Variants in PLEKHH2 observed in about 807,000 individuals in gnomAD.
PLEKHH2 encodes the protein pleckstrin homology, MyTH4 and FERM domain containing H2, also known as pleckstrin homology domain-containing family H member 2.
A neutral mutation model predicts 187.9 loss-of-function variants in PLEKHH2; 129 were observed. The observed-to-expected ratio is 0.69, with a 90% CI of 0.59 to 0.79. The LOEUF (loss-of-function observed/expected upper bound fraction) is 0.79, where lower values mean the gene tolerates loss of function less well. PLEKHH2 is among the 30% of genes least tolerant of loss of function. The probability of loss-of-function intolerance (pLI) is 0.00; values close to 1 mark genes in which losing one functional copy is unlikely to be tolerated. For missense variants in PLEKHH2, 2,076 were observed against 1,751.2 expected (o/e 1.19, Z -3.31); for synonymous variants, 686 against 605.6 (o/e 1.13, Z -1.95).
chr2:43,757,465 G>T (rs1280226039), intron 26 of PLEKHH2, among the ~76,000 whole-genome samples: 2 of 150,346 alleles, frequency 1.3e-5, no homozygotes, highest in African/African-American at 4.9e-5. Context: ...TGTCGCCCAG[G>T]CTGGAGTGCA....
At chr2:43,643,988 A>T (rs1479884220) in intron 1 of PLEKHH2, among the ~76,000 whole-genome samples, 1 of 152,084 alleles carries the variant, frequency 6.6e-6, no homozygotes, top group Non-Finnish European at 1.5e-5. Context: ...CATATGGCTA[A>T]CTCCAAATTG....
intron 2 of PLEKHH2, among the ~76,000 whole-genome samples, chr2:43,650,643 C>CT (rs1666421944): frequency 6.7e-6 from 1 of 148,878 alleles, no homozygotes; most frequent in African/African-American, 2.5e-5. Context: ...TTCTTCTTTT[C>CT]TTTTTTCTTT....
At chr2:43,652,594 T>C (rs1382950111) in intron 2 of PLEKHH2, among the ~76,000 whole-genome samples, 1 of 152,172 alleles carries the variant, frequency 6.6e-6, no homozygotes, top group Non-Finnish European at 1.5e-5. Context: ...AAAGAAATAG[T>C]GATGCTGACA....
In PLEKHH2 at chr2:43,640,950, ATTTTTTT is replaced by A. The variant is rs58200065; in HGVS notation, c.-4+3587_-4+3593del. Among the ~76,000 whole-genome samples, 8 of 115,744 alleles carry A rather than the reference ATTTTTTT, an allele frequency of 6.9e-5. No homozygotes were observed. The South Asian group carries it at 2.4e-3, about 35-fold the overall frequency. The allele number at this position is 115,744 out of a possible 152,430, so 75.9% of individuals were successfully genotyped here. Reference sequence around the variant, plus strand: ...AGGCCTGCACCACCATGCCTGGCTAATTTTTTTTTTTTTTTTTTTTTTAATAAAGACA... The same window carrying A: ...AGGCCTGCACCACCATGCCTGGCTAATTTTTTTTTTTTTTTAATAAAGACA... On this transcript the variant is annotated intron_variant, in intron 1 of 29. Transcript: ENST00000282406.
chr2:43,697,940 A>C (rs1320292649), intron 7 of PLEKHH2, among the ~76,000 whole-genome samples: 1 of 151,964 alleles, frequency 6.6e-6, no homozygotes, highest in African/African-American at 2.4e-5. Flanking sequence ...TTCTTCTTTT[A>C]GTCTTGAAGT....
At chr2:43,744,740 C>T (rs1434898384) in intron 23 of PLEKHH2, among the ~76,000 whole-genome samples, 3 of 151,480 alleles carry the variant, frequency 2.0e-5, no homozygotes, top group Admixed American at 6.6e-5. Flanking sequence ...TGGTGCCACA[C>T]ACCTGTAGTC....
intron 28 of PLEKHH2, among the ~76,000 whole-genome samples, chr2:43,763,570 C>T (rs1442642822): frequency 2.0e-5 from 3 of 150,446 alleles, no homozygotes; most frequent in Non-Finnish European, 2.9e-5. Flanking sequence ...CAAGCATGTA[C>T]TACCATGCCC....
intron 9 of PLEKHH2, among the ~76,000 whole-genome samples, chr2:43,704,478 G>A (rs894619810): frequency 2.0e-5 from 3 of 151,778 alleles, no homozygotes; most frequent in South Asian, 2.1e-4. Flanking sequence ...TGGCTAACAC[G>A]TTGAAACCCC....
At chr2:43,764,401 A>G in intron 29 of PLEKHH2, 36 bp downstream of exon 29, 2 of 1,600,182 alleles carry the variant, frequency 1.2e-6, no homozygotes, top group South Asian at 2.2e-5. Context: ...TTTTTGTCCT[A>G]GTTGTTTTCA....
chr2:43,736,741 G>T (rs1671314202), intron 19 of PLEKHH2, among the ~76,000 whole-genome samples: 1 of 152,140 alleles, frequency 6.6e-6, no homozygotes, highest in Admixed American at 6.5e-5. Context: ...GCTGACGCAG[G>T]AGAATCACTT....
intron 17 of PLEKHH2, among the ~76,000 whole-genome samples, chr2:43,727,162 C>T (rs571817213): frequency 5.3e-5 from 8 of 152,118 alleles, no homozygotes; most frequent in African/African-American, 1.7e-4. Flanking sequence ...GTCTGTAATC[C>T]CAGCACTTCG....
chr2:43,729,077 A>G (rs1185651537), intron 17 of PLEKHH2, among the ~76,000 whole-genome samples: 5 of 152,172 alleles, frequency 3.3e-5, no homozygotes, highest in South Asian at 2.1e-4. Context: ...AAACTTGTTT[A>G]TAAAGAATTT....
At chr2:43,659,422 T>G (rs553343575) in intron 2 of PLEKHH2, among the ~76,000 whole-genome samples, 1 of 152,182 alleles carries the variant, frequency 6.6e-6, no homozygotes, top group Non-Finnish European at 1.5e-5. Context: ...TTCATCTCTT[T>G]GACAATCCTA....
At position 43,738,343 on chromosome 2, in the gene PLEKHH2, C is replaced by A; in HGVS notation, c.2946C>A (p.Thr982=). The change falls in exon 20 of 30, where the codon ACC becomes ACA. Residue 982 remains threonine (T), a splice_region_variant and synonymous_variant. Transcript: ENST00000282406. ...ATATCTTTTTTTGTTTAATTCAGAC[C>A]TGCCAGCTTTTTATAAATGCTGCAG... The part of the protein sequence containing the change: ...LQTEAIKLFK[T]CQLFINAAVD... 1.9e-6 allele frequency: 3 copies of A among 1,606,058 alleles called. No homozygotes were observed. The highest frequency in any genetic ancestry group is 2.6e-6 in the Non-Finnish European group (3 of 1,174,688).
chr2:43,705,251 C>CCTTTT, intron 9 of PLEKHH2, among the ~76,000 whole-genome samples: 1 of 95,864 alleles, frequency 1.0e-5, no homozygotes. Flanking sequence ...AAATTTTATC[C>CCTTTT]TTTTTTTTTT....
At chr2:43,724,936 G>A (rs191886510) in intron 16 of PLEKHH2, among the ~76,000 whole-genome samples, 1 of 152,290 alleles carries the variant, frequency 6.6e-6, no homozygotes, top group African/African-American at 2.4e-5. Flanking sequence ...AAGGAGATCT[G>A]GGTCATGGAC....
intron 2 of PLEKHH2, among the ~76,000 whole-genome samples, chr2:43,678,245 G>T (rs375176197): frequency 0.32 from 47,627 of 150,356 alleles, 8,338 homozygotes; most frequent in Non-Finnish European, 0.4. Context: ...CAGGCAGAGG[G>T]GCTCCTCACA....
rs190447570 is a variant in PLEKHH2, at chr2:43,641,048, C to T, written c.-3-3623C>T. Among the ~76,000 whole-genome samples, 417 of 151,776 alleles carry T rather than the reference C, an allele frequency of 2.7e-3. 1 individual carries two copies. Among genetic ancestry groups the T allele is most frequent in the Non-Finnish European group, 4.7e-3 (319 of 67,958 alleles). On this transcript the variant is annotated intron_variant, in intron 1 of 29. Transcript: ENST00000282406. ...GCTCAGGCAGTCTAACCGCCTCGGCCTCCCAGAGTGCTGGGATTATAAGCA... is the reference window on the plus strand; with the variant it reads ...GCTCAGGCAGTCTAACCGCCTCGGCTTCCCAGAGTGCTGGGATTATAAGCA...
At chr2:43,644,633 A>G (rs1378248909) in intron 1 of PLEKHH2, 38 bp from the exon 2 acceptor site, 6 of 1,430,588 alleles carry the variant, frequency 4.2e-6, no homozygotes, top group Non-Finnish European at 2.8e-6. Flanking sequence ...TGAATGTTTT[A>G]CTTTTTAATT....
Sources: allele counts gnomAD v4.1 joint callset (sites outside exome capture counted in the v4.1 genomes callset), GRCh38; gene constraint gnomAD v4.1.1; transcripts MANE v1.5; gene names NCBI Gene and HGNC (gene_info 2026-07-23, HGNC 2026-07-21).